The following FGF14 variants were observed in gnomAD, a reference collection of about 807,000 sequenced individuals.
FGF14 encodes the protein fibroblast growth factor 14, also known as fibroblast growth factor homologous factor 4.
FGF14 carries 5 observed loss-of-function variants against 25.5 expected under a neutral mutation model. The ratio of observed to expected loss-of-function variants is 0.20; its 90% confidence interval spans 0.10 to 0.41. The LOEUF (loss-of-function observed/expected upper bound fraction) is 0.41. Among genes scored for constraint, FGF14 ranks in the 10% least tolerant of loss-of-function variants. The pLI is 1.00. For synonymous variants in FGF14, 138 were observed against 118.3 expected, an observed-to-expected ratio of 1.17 and a Z score of -1.08; for missense variants, 222 against 320.1, an observed-to-expected ratio of 0.69 and a Z score of 2.34.
intron 1 of FGF14, among the ~76,000 whole-genome samples, chr13:102,330,484 T>G (rs1267128694): frequency 4.6e-5 from 7 of 152,124 alleles, no homozygotes; most frequent in Non-Finnish European, 1.0e-4. Flanking sequence ...TCTCAAGTCT[T>G]ACAAAATTAA....
At chr13:101,786,873 G>C (rs1361777056) in intron 3 of FGF14, among the ~76,000 whole-genome samples, 2 of 152,118 alleles carry the variant, frequency 1.3e-5, no homozygotes, top group East Asian at 3.8e-4. Flanking sequence ...GTTGGATGGT[G>C]TTGTGCCTTT....
At chr13:102,339,009 CA>C (rs56216247) in intron 1 of FGF14, among the ~76,000 whole-genome samples, 34,240 of 133,884 alleles carry the variant, frequency 0.26, 4,396 homozygotes, top group Non-Finnish European at 0.33. Flanking sequence ...GACTCTGTCT[CA>C]AAAAAAAAAA....
chr13:102,087,764 T>G (rs1447614075), intron 1 of FGF14, among the ~76,000 whole-genome samples: 3 of 151,996 alleles, frequency 2.0e-5, no homozygotes, highest in Non-Finnish European at 4.4e-5. Flanking sequence ...ACAAAGCAGG[T>G]GACATGCAAA....
chr13:102,187,007 TGTG>T (rs1415571349), intron 1 of FGF14, among the ~76,000 whole-genome samples: 1 of 152,176 alleles, frequency 6.6e-6, no homozygotes, highest in African/African-American at 2.4e-5. Context: ...GAGTTATACA[TGTG>T]GTGCACATAT....
chr13:101,970,881 A>G (rs1198831847), intron 1 of FGF14, among the ~76,000 whole-genome samples: 3 of 152,068 alleles, frequency 2.0e-5, no homozygotes, highest in Non-Finnish European at 4.4e-5. Flanking sequence ...GCCTGTCACC[A>G]CCACCCTCCA....
chr13:101,739,089 GTATATATATATATATATACATGTATATA>G (rs2036376622), intron 3 of FGF14, among the ~76,000 whole-genome samples: 2 of 114,802 alleles, frequency 1.7e-5, no homozygotes, highest in East Asian at 6.4e-4. Context: ...TACTTTAACA[GTATATATATATATATATACATGTATATA>G]TATATATATA....
chr13:102,161,610 G>GTACCCC, intron 1 of FGF14, among the ~76,000 whole-genome samples: 1 of 2,922 alleles, frequency 3.4e-4, no homozygotes, highest in African/African-American at 3.3e-3. Context: ...AGAAGAAGAA[G>GTACCCC]AAGAAGAAGA....
chr13:101,792,851 T>A (rs1462034815), intron 3 of FGF14, among the ~76,000 whole-genome samples: 2 of 151,008 alleles, frequency 1.3e-5, no homozygotes, highest in Non-Finnish European at 2.9e-5. Context: ...GCTATTTTCA[T>A]TTTTTAAAAA....
intron 1 of FGF14, among the ~76,000 whole-genome samples, chr13:102,151,048 T>C (rs1566748442): frequency 1.3e-5 from 2 of 152,216 alleles, no homozygotes; most frequent in Non-Finnish European, 2.9e-5. Context: ...TTTTGCATTT[T>C]AACAGTTTTC....
chr13:101,952,206 A>G (rs1173937144), intron 1 of FGF14, among the ~76,000 whole-genome samples: 2 of 152,180 alleles, frequency 1.3e-5, no homozygotes, highest in African/African-American at 4.8e-5. Flanking sequence ...CTTGTCTACA[A>G]TCTTGCAAGA....
At chr13:101,874,924 T>C (rs1165889217) in intron 2 of FGF14, among the ~76,000 whole-genome samples, 1 of 152,128 alleles carries the variant, frequency 6.6e-6, no homozygotes, top group Non-Finnish European at 1.5e-5. Flanking sequence ...AAAGTAACAG[T>C]AATTTTCTGG....
chr13:101,812,230 C>T lies in FGF14; in HGVS notation c.408+56495G>A, dbSNP rs9518567. On this transcript the variant is annotated intron_variant, in intron 3 of 4. Coordinates refer to ENST00000376143, the MANE Select transcript of FGF14 (RefSeq NM_004115.4). ...TTACAGGATTGGAAATTTTGTTACT[C>T]GAATCATCAGTTAATTGATAAATTT... is the stretch of plus-strand genomic sequence containing the variant. Among the ~76,000 whole-genome samples, 6 of 152,064 alleles carry T rather than the reference C, an allele frequency of 3.9e-5. 1 individual carries two copies. Among genetic ancestry groups the T allele is most frequent in the Admixed American group, 2.0e-4 (3 of 15,270 alleles).
chr13:102,044,950 A>T (rs1472241950), intron 1 of FGF14, among the ~76,000 whole-genome samples: 4 of 152,160 alleles, frequency 2.6e-5, no homozygotes, highest in African/African-American at 9.7e-5. Flanking sequence ...CAGCAAATAG[A>T]GGTGTCTACT....
chr13:101,990,371 G>T (rs764608203), intron 1 of FGF14, among the ~76,000 whole-genome samples: 1 of 152,068 alleles, frequency 6.6e-6, no homozygotes, highest in African/African-American at 2.4e-5. Context: ...AGTGGCATAC[G>T]CCTATATAGT....
chr13:102,241,665 T>TA (rs2051608610), intron 1 of FGF14, among the ~76,000 whole-genome samples: 2 of 152,230 alleles, frequency 1.3e-5, no homozygotes, highest in South Asian at 4.1e-4. Context: ...TTTCCATTAT[T>TA]AAAAAACCCT....
intron 1 of FGF14, among the ~76,000 whole-genome samples, chr13:101,910,910 T>C (rs887277585): frequency 6.7e-6 from 1 of 149,364 alleles, no homozygotes; most frequent in African/African-American, 2.5e-5. Context: ...TGTTGGGTGC[T>C]AAAACAATAT....
chr13:102,336,495 C>G (rs769606063), intron 1 of FGF14, among the ~76,000 whole-genome samples: 1 of 152,194 alleles, frequency 6.6e-6, no homozygotes, highest in Non-Finnish European at 1.5e-5. Context: ...AAAGCCATCT[C>G]TCTAGCATCC....
chr13:102,049,764 C>T (rs117779052), intron 1 of FGF14, among the ~76,000 whole-genome samples: 3,551 of 152,164 alleles, frequency 0.023, 78 homozygotes, highest in Non-Finnish European at 0.032. Context: ...CACACAAACA[C>T]ACAAACACAC....
intron 1 of FGF14, among the ~76,000 whole-genome samples, chr13:102,147,570 G>A (rs2046905516): frequency 6.6e-6 from 1 of 152,100 alleles, no homozygotes; most frequent in African/African-American, 2.4e-5. Flanking sequence ...TTACTAAAAG[G>A]ACAACTTTTA....
Sources: allele counts gnomAD v4.1 joint callset (sites outside exome capture counted in the v4.1 genomes callset), GRCh38; gene constraint gnomAD v4.1.1; transcripts MANE v1.5; gene names NCBI Gene and HGNC (gene_info 2026-07-23, HGNC 2026-07-21).